Variants in EIF4E3 observed in about 807,000 individuals in gnomAD.
EIF4E3 encodes the protein eukaryotic translation initiation factor 4E family member 3, also known as eukaryotic translation initiation factor 4E type 3.
Under a neutral mutation model 31.7 loss-of-function variants are expected in EIF4E3, and 26 were observed. The ratio of observed to expected loss-of-function variants is 0.82; its 90% CI spans 0.60 to 1.14. The LOEUF is 1.14. Ranked by LOEUF, EIF4E3 falls within the 50% of genes most tolerant of loss-of-function variation. The pLI, the probability that EIF4E3 is intolerant of heterozygous loss-of-function variation, is 0.00. For missense variants in EIF4E3, 304 were observed against 270.9 expected (o/e 1.12, Z -0.86); for synonymous variants, 128 against 107.7 (o/e 1.19, Z -1.17).
intron 5 of EIF4E3, among the ~76,000 whole-genome samples, chr3:71,692,703 C>A (rs913426303): frequency 6.6e-6 from 1 of 152,046 alleles, no homozygotes; most frequent in Admixed American, 6.6e-5. Context: ...AAGTGATCCT[C>A]CCACTGCAGC....
chr3:71,707,979 G>A (rs1037927505), intron 2 of EIF4E3, among the ~76,000 whole-genome samples: 14 of 150,462 alleles, frequency 9.3e-5, no homozygotes, highest in African/African-American at 2.5e-4. Flanking sequence ...TCCACTTCCC[G>A]GGTTAAAGCA....
At chr3:71,684,844 A>C in intron 6 of EIF4E3, 116 bp from the exon 7 acceptor site, 1 of 958,468 alleles carries the variant, frequency 1.0e-6, no homozygotes, top group Non-Finnish European at 1.5e-6. Context: ...GCAAGAACTC[A>C]AACACCTTAT....
chr3:71,665,912 A>G, the EIF4E3 span, among the ~76,000 whole-genome samples: 1 of 152,232 alleles, frequency 6.6e-6, no homozygotes, highest in Non-Finnish European at 1.5e-5. Flanking sequence ...GAGAACAAAG[A>G]CACAATGTAC....
At chr3:71,709,916 T>C (rs2049350568) in intron 2 of EIF4E3, among the ~76,000 whole-genome samples, 1 of 152,038 alleles carries the variant, frequency 6.6e-6, no homozygotes, top group Non-Finnish European at 1.5e-5. Flanking sequence ...TTTAGGATGA[T>C]GGAATTGCGA....
At chr3:71,699,510 T>C in intron 3 of EIF4E3, 104 bp downstream of exon 3, 1 of 1,045,218 alleles carries the variant, frequency 9.6e-7, no homozygotes, top group Non-Finnish European at 1.5e-6. Context: ...ACAGACTTTC[T>C]ATGTTGTCCA....
chr3:71,696,309 A>T (rs2049134953), intron 4 of EIF4E3, 151 bp downstream of exon 4: 2 of 738,792 alleles, frequency 2.7e-6, no homozygotes, highest in Non-Finnish European at 4.5e-6. Context: ...GAAAGGCAGA[A>T]AATCATCAAG....
At chr3:71,699,493 T>C (rs1369588344) in intron 3 of EIF4E3, 121 bp downstream of exon 3, 30 of 867,734 alleles carry the variant, frequency 3.5e-5, no homozygotes, top group Non-Finnish European at 5.2e-5. Flanking sequence ...GGGCCATGAT[T>C]GGTATCACAG....
chr3:71,668,602 C>T, the EIF4E3 span, among the ~76,000 whole-genome samples: 2 of 151,892 alleles, frequency 1.3e-5, no homozygotes, highest in Non-Finnish European at 2.9e-5. Flanking sequence ...ACAGACACTT[C>T]TCAAAAGAAC....
intron 1 of EIF4E3, among the ~76,000 whole-genome samples, chr3:71,747,370 A>G (rs2049884835): frequency 6.6e-6 from 1 of 152,248 alleles, no homozygotes; most frequent in Non-Finnish European, 1.5e-5. Context: ...GCATTGTCCT[A>G]TTGACTAATG....
At chr3:71,753,865 TGGC>T (rs35502209), upstream of EIF4E3, among the ~76,000 whole-genome samples, 3 of 146,746 alleles carry the variant, frequency 2.0e-5, no homozygotes, top group East Asian at 4.0e-4. Context: ...ATTCCTGAGA[TGGC>T]GGCGGCGGCA....
At chr3:71,663,388 G>C in the EIF4E3 span, among the ~76,000 whole-genome samples, 1 of 152,130 alleles carries the variant, frequency 6.6e-6, no homozygotes, top group Non-Finnish European at 1.5e-5. Context: ...CTGCTTCTTT[G>C]AATCAAGAAT....
downstream of EIF4E3, among the ~76,000 whole-genome samples, chr3:71,672,044 A>G (rs2048849660): frequency 6.6e-6 from 1 of 152,118 alleles, no homozygotes; most frequent in Non-Finnish European, 1.5e-5. Context: ...GCCCTCTCAC[A>G]TGAGTGGGCT....
intron 1 of EIF4E3, among the ~76,000 whole-genome samples, chr3:71,713,605 T>G (rs1294250070): frequency 1.3e-5 from 2 of 152,202 alleles, no homozygotes; most frequent in East Asian, 1.9e-4. Context: ...GCCAGCTAAT[T>G]TTTGTATTTT....
intron 2 of EIF4E3, among the ~76,000 whole-genome samples, chr3:71,705,994 T>C (rs1350826166): frequency 6.6e-6 from 1 of 152,116 alleles, no homozygotes; most frequent in Non-Finnish European, 1.5e-5. Flanking sequence ...ATGTGGAAAA[T>C]TTGGACAGGT....
At position 71,683,713 on chromosome 3, in the gene EIF4E3, A is replaced by T. The variant is rs2048952440; in HGVS notation, c.*969T>A. 1 of 152,230 alleles carries T rather than the reference A, an allele frequency of 6.6e-6. No individual in the cohort carries two copies. Among genetic ancestry groups the T allele is most frequent in the Non-Finnish European group, 1.5e-5 (1 of 68,046 alleles). The allele number at this position is 152,230 out of a possible 1,614,324, so 9.4% of individuals were successfully genotyped here. ...GGCTGGAGGACTACTGATGATGAGA[A>T]ATGACACACAATGTGAGCAGGGAAA... On this transcript the variant is annotated 3_prime_UTR_variant, in exon 7 of 7. Transcript: ENST00000425534.
chr3:71,694,549 A>G (rs984258188), intron 4 of EIF4E3, among the ~76,000 whole-genome samples: 5 of 148,110 alleles, frequency 3.4e-5, no homozygotes, highest in African/African-American at 1.2e-4. Context: ...CCTCCTACCA[A>G]TGAGAAATAC....
At chr3:71,673,909 TTATA>T (rs796175405), downstream of EIF4E3, among the ~76,000 whole-genome samples, 48 of 138,130 alleles carry the variant, frequency 3.5e-4, no homozygotes, top group African/African-American at 1.2e-3. Context: ...AATATAATAA[TTATA>T]TATATATATA....
chr3:71,695,331 G>GC (rs1164879022), intron 4 of EIF4E3, among the ~76,000 whole-genome samples: 1 of 152,210 alleles, frequency 6.6e-6, no homozygotes, highest in Non-Finnish European at 1.5e-5. Flanking sequence ...GGATATGAAA[G>GC]CGTTATTATT....
At chr3:71,724,667 A>AT (rs2049602960) in intron 1 of EIF4E3, among the ~76,000 whole-genome samples, 2 of 152,240 alleles carry the variant, frequency 1.3e-5, no homozygotes, top group African/African-American at 4.8e-5. Flanking sequence ...GAACTGGAAG[A>AT]GGAGTCCACG....
Sources: gnomAD v4.1 joint callset for allele counts (sites outside exome capture counted in the v4.1 genomes callset) on GRCh38, gnomAD v4.1.1 for gene constraint, MANE v1.5 for transcripts, NCBI Gene and HGNC (gene_info 2026-07-23, HGNC 2026-07-21) for gene names.